Variants in CFAP70 observed in about 807,000 individuals in gnomAD.
The protein encoded by CFAP70 is cilia- and flagella-associated protein 70.
CFAP70 carries 81 observed loss-of-function variants against 137.6 expected under a neutral mutation model. That is an observed-to-expected ratio of 0.59 (90% CI 0.49 to 0.71). The LOEUF is 0.71. Among genes scored for constraint, CFAP70 ranks in the 30% least tolerant of loss-of-function variants. The probability of loss-of-function intolerance (pLI) is 0.00; values close to 1 mark genes in which losing one functional copy is unlikely to be tolerated. For missense variants in CFAP70, 976 were observed against 1,226.7 expected, an observed-to-expected ratio of 0.80 and a Z score of 3.05; for synonymous variants, 382 against 423.6, an observed-to-expected ratio of 0.90 and a Z score of 1.20.
intron 9 of CFAP70, among the ~76,000 whole-genome samples, chr10:73,319,993 AG>A (rs1474460412): frequency 3.9e-5 from 6 of 152,200 alleles, no homozygotes; most frequent in Admixed American, 3.3e-4. Context: ...ACTATATTTC[AG>A]GAATAGTAGC....
chr10:73,283,567 G>C (rs1185904908), intron 19 of CFAP70, among the ~76,000 whole-genome samples: 1 of 152,060 alleles, frequency 6.6e-6, no homozygotes, highest in Non-Finnish European at 1.5e-5. Context: ...AATTAACCCT[G>C]TTATTGTTCT....
At chr10:73,310,303 A>G (rs779395463) in intron 11 of CFAP70, 54 bp from the exon 13 acceptor site, 7 of 1,248,166 alleles carry the variant, frequency 5.6e-6, no homozygotes, top group Non-Finnish European at 6.9e-6. Context: ...TTTATGAAAA[A>G]TTTAGTAACA....
intron 19 of CFAP70, among the ~76,000 whole-genome samples, chr10:73,289,942 G>A (rs1271283191): frequency 6.6e-6 from 1 of 151,780 alleles, no homozygotes; most frequent in African/African-American, 2.4e-5. Flanking sequence ...CTACTTGGAA[G>A]GCTGAGGCAG....
At chr10:73,332,790 T>C (rs1389868098) in intron 7 of CFAP70, among the ~76,000 whole-genome samples, 1 of 152,104 alleles carries the variant, frequency 6.6e-6, no homozygotes, top group Non-Finnish European at 1.5e-5. Flanking sequence ...CCTAACCAGA[T>C]TAACATAAAA....
intron 25 of CFAP70, among the ~76,000 whole-genome samples, chr10:73,268,690 CTTCTTTTTT>C (rs1431234237): frequency 7.3e-6 from 1 of 137,752 alleles, no homozygotes; most frequent in Non-Finnish European, 1.5e-5. Context: ...ATTTGTTTTT[CTTCTTTTTT>C]TTCTTTTTTT....
At chr10:73,297,336 A>G (rs530096897) in intron 14 of CFAP70, among the ~76,000 whole-genome samples, 163 bp from the exon 16 acceptor site, 6 of 152,274 alleles carry the variant, frequency 3.9e-5, no homozygotes, top group South Asian at 2.1e-4. Context: ...ATTTCCCCCA[A>G]TCAACATACT....
upstream of CFAP70, among the ~76,000 whole-genome samples, chr10:73,361,006 T>TC (rs940316618): frequency 2.0e-4 from 30 of 151,880 alleles, no homozygotes; most frequent in African/African-American, 5.6e-4. Flanking sequence ...ATTTTCTTTT[T>TC]TTTTTTTTTT....
chr10:73,322,875 G>C (rs1430628355), intron 9 of CFAP70, 88 bp downstream of exon 10: 9 of 1,171,474 alleles, frequency 7.7e-6, no homozygotes, highest in Admixed American at 2.6e-5. Context: ...CTAAATATCA[G>C]TTGCAAAGAT....
intron 8 of CFAP70, among the ~76,000 whole-genome samples, chr10:73,326,993 C>T (rs1211053367): frequency 6.6e-6 from 1 of 151,462 alleles, no homozygotes; most frequent in Non-Finnish European, 1.5e-5. Flanking sequence ...TTTATGAGGC[C>T]AGCATCATCC....
chr10:73,273,975 A>AT (rs1425672839), intron 23 of CFAP70, among the ~76,000 whole-genome samples: 1 of 152,184 alleles, frequency 6.6e-6, no homozygotes, highest in African/African-American at 2.4e-5. Flanking sequence ...AACTCGGAAT[A>AT]TTTCCCAAAA....
exon 6 of CFAP70, chr10:73,341,443 C>G (rs2053243256): frequency 6.2e-7 from 1 of 1,613,930 alleles, no homozygotes; most frequent in African/African-American, 1.3e-5. Flanking sequence ...TAGGGACCAC[C>G]AACAATGAAT....
At chr10:73,305,786 A>G (rs2049324597) in intron 12 of CFAP70, among the ~76,000 whole-genome samples, 1 of 152,238 alleles carries the variant, frequency 6.6e-6, no homozygotes, top group African/African-American at 2.4e-5. Context: ...AAATACAAAT[A>G]GTACAAATAA....
At chr10:73,334,255 T>C (rs984794993) in intron 7 of CFAP70, among the ~76,000 whole-genome samples, 1 of 152,236 alleles carries the variant, frequency 6.6e-6, no homozygotes, top group African/African-American at 2.4e-5. Flanking sequence ...TGGGTGACAA[T>C]GTGTTCAACT....
At chr10:73,288,497 A>C (rs1460849315) in intron 19 of CFAP70, among the ~76,000 whole-genome samples, 1 of 152,098 alleles carries the variant, frequency 6.6e-6, no homozygotes, top group Non-Finnish European at 1.5e-5. Context: ...TTTGGCAACT[A>C]CTTCTCTATG....
At chr10:73,348,844 C>A (rs958155277) in intron 3 of CFAP70, among the ~76,000 whole-genome samples, 2 of 152,058 alleles carry the variant, frequency 1.3e-5, no homozygotes, top group African/African-American at 4.8e-5. Flanking sequence ...GGGCAGATCA[C>A]CTGAGGTTGG....
chr10:73,272,997 G>T (rs1227650364), exon 24 of CFAP70: 2 of 1,551,480 alleles, frequency 1.3e-6, no homozygotes, highest in Non-Finnish European at 8.7e-7. Context: ...CTTGCATATA[G>T]GTTTTCTTTG....
chr10:73,327,100 C>T (rs1351290178), intron 8 of CFAP70, among the ~76,000 whole-genome samples: 1 of 149,312 alleles, frequency 6.7e-6, no homozygotes, highest in African/African-American at 2.5e-5. Context: ...AAAATACTGG[C>T]AAACCGAATC....
intron 19 of CFAP70, among the ~76,000 whole-genome samples, chr10:73,290,697 C>T (rs2048111725): frequency 6.6e-6 from 1 of 151,830 alleles, no homozygotes; most frequent in African/African-American, 2.4e-5. Flanking sequence ...AAAGGGAGTA[C>T]ATAAATAAAT....
chr10:73,296,968 A>G, intron 15 of CFAP70, 74 bp downstream of exon 16: 1 of 1,512,738 alleles, frequency 6.6e-7, no homozygotes, highest in Non-Finnish European at 8.9e-7. Flanking sequence ...TGAATAAACA[A>G]AGGAAGGAAT....
Sources: gnomAD v4.1 joint callset for allele counts (sites outside exome capture counted in the v4.1 genomes callset) on GRCh38, gnomAD v4.1.1 for gene constraint, MANE v1.5 for transcripts, NCBI Gene and HGNC (gene_info 2026-07-23, HGNC 2026-07-21) for gene names.